Variants in IGFN1 observed in about 807,000 individuals in gnomAD.
IGFN1 encodes immunoglobulin like and fibronectin type III domain containing 1, also known as immunoglobulin-like and fibronectin type III domain-containing protein 1.
A neutral mutation model predicts 289.5 loss-of-function variants in IGFN1; 253 were observed. The ratio of observed to expected loss-of-function variants is 0.87; its 90% CI spans 0.79 to 0.97. IGFN1 has a LOEUF of 0.97. Ranked by LOEUF, IGFN1 falls within the 50% of genes least tolerant of loss-of-function variation. The probability of loss-of-function intolerance (pLI) is 0.00; values close to 1 mark genes in which losing one functional copy is unlikely to be tolerated. For missense variants in IGFN1, 4,470 were observed against 4,686.1 expected, an observed-to-expected ratio of 0.95 and a Z score of 1.35; for synonymous variants, 1,706 against 1,788.5, an observed-to-expected ratio of 0.95 and a Z score of 1.16.
At position 201,209,370 on chromosome 1, in the gene IGFN1, G is replaced by T. The variant is rs1385863706; in HGVS notation, c.4477G>T (p.Ala1493Ser). 35 of 1,501,834 alleles carry T rather than the reference G, an allele frequency of 2.3e-5. No individual in the cohort carries two copies. The highest frequency in any genetic ancestry group is 3.1e-5 in the Non-Finnish European group (35 of 1,132,340). 93.0% of individuals were successfully genotyped at this position (1,501,834 alleles called of 1,614,324 possible). A position where few individuals can be genotyped will look rare whatever the true frequency, so the allele number is the denominator to read the frequency against. Residue 1493 changes from alanine to serine, a missense_variant, in exon 12 of 24, where the codon GCA (alanine) becomes TCA (serine). This residue lies in a region of IGFN1 where 2,011 missense variants were observed against 1,953.4 expected (regional missense o/e 1.03). Coordinates refer to ENST00000335211, the MANE Select transcript of IGFN1 (RefSeq NM_001164586.2). ...TTCTGGGGAAATGGGGTTAATTGAG[G>T]CAGGCTATAGGAAAGATTTGGGGGT... ...RGSGEMGLIE[A>S]GYRKDLGVSE...
In IGFN1 at chr1:201,213,034, G is replaced by A; in HGVS notation, c.8141G>A (p.Gly2714Asp). The A allele has an allele frequency of 6.4e-7, 1 of 1,551,612 alleles. No individual in the cohort carries two copies. Among genetic ancestry groups the A allele is most frequent in the Non-Finnish European group, 8.7e-7 (1 of 1,146,958 alleles). The stretch of plus-strand genomic sequence containing the variant: ...GATGCAGAGGACTCAGGTATCCTGG[G>A]CAAGGGGAATTCTACTGAGTGGGGG... ...SVDAEDSGILGKGNSTEWGNA... is the reference protein window; with the variant it reads ...SVDAEDSGILDKGNSTEWGNA... The change falls in exon 12 of 24, where the codon GGC becomes GAC. Residue 2714 changes from glycine to aspartate, a missense_variant. Gly to Asp is a moderately conservative substitution (Grantham distance 94, BLOSUM62 -1). Transcript: ENST00000335211.
Position 201,208,509 on chromosome 1 carries a change from T to C in IGFN1, c.3616T>C (p.Tyr1206His), listed in dbSNP as rs115267445. 913 of 1,450,874 alleles carry C rather than the reference T, an allele frequency of 6.3e-4. 9 individuals are homozygous for C. The African/African-American group carries it at 0.012, about 19-fold the overall frequency. 89.9% of individuals were successfully genotyped at this position (1,450,874 alleles called of 1,614,324 possible). The change falls in exon 12 of 24, where the codon TAT becomes CAT. Residue 1206 changes from tyrosine (Y) to histidine (H), a missense_variant. By Grantham distance (83) the Tyr-to-His change is moderately conservative (BLOSUM62 2). This residue lies in a region of IGFN1 where 2,011 missense variants were observed against 1,953.4 expected (regional missense o/e 1.03). Transcript: ENST00000335211. ...NGAASGSQWA[Y>H]GAGNVLGYED... is the part of the protein sequence containing the mutation. ...GGCCGCTTCTGGGAGCCAGTGGGCT[T>C]ATGGGGCTGGCAATGTGCTGGGTTA...
At chr1:201,217,667 TC>T (rs1295266691) in intron 17 of IGFN1, among the ~76,000 whole-genome samples, 1 of 152,112 alleles carries the variant, frequency 6.6e-6, no homozygotes, top group Non-Finnish European at 1.5e-5. Flanking sequence ...CTGCAAAACC[TC>T]CTACAGTATA....
In IGFN1 at chr1:201,221,736, G is replaced by T. The variant is rs751746333; in HGVS notation, c.10191G>T (p.Met3397Ile). ...CCCTGGACACATTAGTGCAAGCCAT[G>T]CCTGTTACTGGTGAGTGCTGCCTCC... ...PSALDTLVQA[M>I]PVTVCPKFLV... Residue 3397 changes from methionine to isoleucine, a missense_variant, in exon 19 of 24, where the codon ATG (methionine) becomes ATT (isoleucine). Physicochemically the swap from Met to Ile is conservative, Grantham distance 10. This residue lies in a region of IGFN1 where 2,218 missense variants were observed against 2,114.1 expected (regional missense o/e 1.05). Transcript: ENST00000335211. 2.3e-5 allele frequency: 36 copies of T among 1,588,038 alleles called. No homozygotes were observed. The highest frequency in any genetic ancestry group is 2.7e-5 in the African/African-American group (2 of 74,626).
Position 201,212,222 on chromosome 1 carries a change from G to C in IGFN1, c.7329G>C (p.Arg2443Ser). 6.5e-7 allele frequency: 1 copy of C among 1,534,268 alleles called. No individual in the cohort carries two copies. The highest frequency in any genetic ancestry group is 1.4e-5 in the African/African-American group (1 of 73,088). The change falls in exon 12 of 24, where the codon AGG becomes AGC. Residue 2443 changes from arginine to serine, a missense_variant. Around this residue, in one of 8 missense-constraint regions of IGFN1, gnomAD observed 2,218 missense variants for 2,114.1 expected, o/e 1.05. Transcript: ENST00000335211. Reference protein sequence around the residue: ...AGGMAHRDSLRGTGVLGSQGG... With the variant: ...AGGMAHRDSLSGTGVLGSQGG... The stretch of plus-strand genomic sequence containing the variant: ...GCATGGCACACAGAGACAGCCTCAG[G>C]GGCACAGGGGTGCTGGGGTCTCAGG...
chr1:201,211,145 T>C lies in IGFN1; in HGVS notation c.6252T>C (p.Ser2084=), dbSNP rs745733196. ...CTCCTAAGGGAATGGGTTCAGGGAG[T>C]AAGACAGGTTTCAGGGATGGTTTAG... The part of the protein sequence containing the change: ...LGAPKGMGSG[S]KTGFRDGLGG... The change falls in exon 12 of 24, where the codon AGT becomes AGC. Residue 2084 remains serine, a synonymous_variant. Transcript: ENST00000335211. The C allele has an allele frequency of 4.0e-5, 61 of 1,519,750 alleles. No homozygotes were observed. The highest frequency in any genetic ancestry group is 5.1e-5 in the Non-Finnish European group (58 of 1,139,124). The allele number at this position is 1,519,750 out of a possible 1,614,324, so 94.1% of individuals were successfully genotyped here. A position where few individuals can be genotyped will look rare whatever the true frequency, so the allele number is the denominator to read the frequency against.
intron 14 of IGFN1, 117 bp downstream of exon 14, chr1:201,215,271 T>C: frequency 8.7e-7 from 1 of 1,144,550 alleles, no homozygotes; most frequent in Non-Finnish European, 1.2e-6. Context: ...CAGTATCTAA[T>C]CTCATCCCCA....
At chr1:201,204,954 C>T in intron 10 of IGFN1, 128 bp from the exon 11 acceptor site, 2 of 914,068 alleles carry the variant, frequency 2.2e-6, no homozygotes, top group South Asian at 3.7e-5. Context: ...GTGACCTGTC[C>T]AAGGTAACAT....
chr1:201,205,649 C>G (rs1218287259), intron 11 of IGFN1, among the ~76,000 whole-genome samples: 1 of 152,146 alleles, frequency 6.6e-6, no homozygotes, highest in Non-Finnish European at 1.5e-5. Context: ...CTGCACCAGA[C>G]CAGAGAGCAC....
chr1:201,218,775 G>T lies in IGFN1; in HGVS notation c.9898+117G>T. On this transcript the variant is annotated intron_variant, in intron 18 of 23. Transcript: ENST00000335211. ...GGTCGGGGCAGTCCTGAGGGAGATGGTCAGGAGGGCTGGGATATAAAAATC... is the reference window on the plus strand; with the variant it reads ...GGTCGGGGCAGTCCTGAGGGAGATGTTCAGGAGGGCTGGGATATAAAAATC... 3 of 1,009,562 alleles carry T rather than the reference G, an allele frequency of 3.0e-6. No individual in the cohort carries two copies. The East Asian group carries it at 7.7e-5, about 26-fold the overall frequency. 62.5% of individuals were successfully genotyped at this position (1,009,562 alleles called of 1,614,324 possible). A position where few individuals can be genotyped will look rare whatever the true frequency, so the allele number is the denominator to read the frequency against.
At chr1:201,222,090 G>A (rs2102367778) in intron 19 of IGFN1, 1 of 192,082 alleles carries the variant, frequency 5.2e-6, no homozygotes, top group Non-Finnish European at 1.0e-5. Context: ...TTCTGTAGGA[G>A]AGAGAGTGGC....
intron 20 of IGFN1, 75 bp downstream of exon 20, chr1:201,222,902 CT>C: frequency 1.0e-6 from 1 of 959,836 alleles, no homozygotes; most frequent in Non-Finnish European, 1.6e-6. Context: ...CTGTGGCTCT[CT>C]TTTCTTCCCT....
At position 201,222,755 on chromosome 1, in the gene IGFN1, C is replaced by T. The variant is rs1167049613; in HGVS notation, c.10218C>T (p.Leu3406=). 28 of 1,612,972 alleles carry T rather than the reference C, an allele frequency of 1.7e-5. No homozygotes were observed. Among genetic ancestry groups the T allele is most frequent in the East Asian group, 4.5e-5 (2 of 44,834 alleles). ...GCGTTTCAGTCTGTCCCAAGTTCCT[C>T]GTGGACTCCAGCACCAAGGACTTGC... The part of the protein sequence containing the change: ...AMPVTVCPKF[L]VDSSTKDLLT... The change falls in exon 20 of 24, where the codon CTC becomes CTT. Residue 3406 remains leucine (L), a synonymous_variant. Transcript: ENST00000335211.
chr1:201,228,337 G>A (rs1433717187), intron 23 of IGFN1, 49 bp from the exon 24 acceptor site: 9 of 1,596,874 alleles, frequency 5.6e-6, no homozygotes, highest in African/African-American at 2.7e-5. Context: ...CAGATGCAGG[G>A]TGGGGTGGCT....
chr1:201,196,874 C>G (rs1021747752), intron 4 of IGFN1, among the ~76,000 whole-genome samples: 2 of 152,160 alleles, frequency 1.3e-5, no homozygotes, highest in African/African-American at 4.8e-5. Flanking sequence ...TCCCATCTTA[C>G]AAATGAAGAA....
In IGFN1 at chr1:201,207,937, C is replaced by G; in HGVS notation, c.3044C>G (p.Ala1015Gly). 1 of 1,536,582 alleles carries G rather than the reference C, an allele frequency of 6.5e-7. No individual in the cohort carries two copies. The highest frequency in any genetic ancestry group is 1.2e-5 in the South Asian group (1 of 84,008). Residue 1015 changes from alanine to glycine, a missense_variant, in exon 12 of 24, where the codon GCG becomes GGG. By Grantham distance (60) the Ala-to-Gly change is moderately conservative (BLOSUM62 0). This residue lies in a region of IGFN1 where 2,011 missense variants were observed against 1,953.4 expected (regional missense o/e 1.03). Transcript: ENST00000335211. The stretch of plus-strand genomic sequence containing the variant: ...GGTGGGTACAGGCATGGCTCCGGAG[C>G]GCCTGGGGGAGTGTGGTCTGGAAAT... ...EGGGYRHGSG[A>G]PGGVWSGNED...
At position 201,217,379 on chromosome 1, in the gene IGFN1, G is replaced by A. The variant is rs146376343; in HGVS notation, c.9688G>A (p.Ala3230Thr). Residue 3230 changes from alanine (A) to threonine (T), a missense_variant, in exon 17 of 24, where the codon GCC (alanine) becomes ACC (threonine). This residue lies in a region of IGFN1 where 2,218 missense variants were observed against 2,114.1 expected (regional missense o/e 1.05). Coordinates refer to ENST00000335211, the MANE Select transcript of IGFN1 (RefSeq NM_001164586.2). ...TWTAPRGPGS[A>T]HILGYLIERR... ...GACAGCACCTCGGGGCCCCGGCAGC[G>A]CCCACATCCTGGGCTACCTGATCGA... 90 of 1,614,070 alleles carry A rather than the reference G, an allele frequency of 5.6e-5. No individual in the cohort carries two copies. The highest frequency in any genetic ancestry group is 1.1e-4 in the East Asian group (5 of 44,894).
rs914822964 is a variant in IGFN1, at chr1:201,206,314, G to A, written c.1421G>A (p.Gly474Glu). The A allele has an allele frequency of 2.6e-6, 4 of 1,550,324 alleles. No homozygotes were observed. In the Admixed American group the frequency reaches 5.9e-5, roughly 23 times the overall value. Reference sequence around the variant, plus strand: ...GGCAGACATGGCTACTCCTTGATGGGGGACAAAGGGACAGCTGACTCAGCC... The same window carrying A: ...GGCAGACATGGCTACTCCTTGATGGAGGACAAAGGGACAGCTGACTCAGCC... Reference protein sequence around the residue: ...GLGRHGYSLMGDKGTADSAWG... With the variant: ...GLGRHGYSLMEDKGTADSAWG... The change falls in exon 12 of 24, where the codon GGG (glycine) becomes GAG (glutamate). Residue 474 changes from glycine to glutamate, a missense_variant. By Grantham distance (98) the Gly-to-Glu change is moderately conservative. Coordinates refer to ENST00000335211, the MANE Select transcript of IGFN1 (RefSeq NM_001164586.2).
In IGFN1 at chr1:201,206,567, C is replaced by A. The variant is rs1272630076; in HGVS notation, c.1674C>A (p.Gly558=). 6.5e-7 allele frequency: 1 copy of A among 1,550,022 alleles called. No homozygotes were observed. The highest frequency in any genetic ancestry group is 8.7e-7 in the Non-Finnish European group (1 of 1,146,958). ...ATGAATGCTGGAGGAAAGCAGGAGG[C>A]TGGGAGGCTGGGTCCAGTCGGCTTC... ...NSDECWRKAG[G]WEAGSSRLQA... The change falls in exon 12 of 24, where the codon GGC becomes GGA. Residue 558 remains glycine, a synonymous_variant. Transcript: ENST00000335211.
Sources: allele counts gnomAD v4.1 joint callset (sites outside exome capture counted in the v4.1 genomes callset), GRCh38; gene constraint gnomAD v4.1.1; regional missense constraint gnomAD v4.1.1; transcripts MANE v1.5; gene names NCBI Gene and HGNC (gene_info 2026-07-23, HGNC 2026-07-21).